MAF: variants seen among roughly 807,000 people sequenced by gnomAD.
MAF encodes the protein transcription factor Maf.
Under a neutral mutation model 22.0 loss-of-function variants are expected in MAF, and 10 were observed. The ratio of observed to expected loss-of-function variants is 0.45; its 90% CI spans 0.28 to 0.77. The LOEUF is 0.77. Among genes scored for constraint, MAF ranks in the 30% least tolerant of loss-of-function variants. MAF has a pLI of 0.12. For synonymous variants in MAF, 337 were observed against 255.8 expected (o/e 1.32, Z -3.03); for missense variants, 544 against 548.4 (o/e 0.99, Z 0.08).
At chr16:79,412,051 G>C in the MAF span, among the ~76,000 whole-genome samples, 1 of 152,200 alleles carries the variant, frequency 6.6e-6, no homozygotes, top group Non-Finnish European at 1.5e-5. Context: ...TGAGCACTTA[G>C]TACACGTCAG....
chr16:79,510,095 A>G, the MAF span, among the ~76,000 whole-genome samples: 67 of 152,170 alleles, frequency 4.4e-4, no homozygotes, highest in Non-Finnish European at 5.9e-4. Flanking sequence ...CGATTGCAGG[A>G]CGGCTACCGA....
the MAF span, among the ~76,000 whole-genome samples, chr16:79,518,744 G>A: frequency 0.57 from 87,079 of 151,948 alleles, 25,157 homozygotes; most frequent in Middle Eastern, 0.66. Context: ...AGACCTCATG[G>A]AGAAACCCCA....
At chr16:79,375,853 A>G in the MAF span, among the ~76,000 whole-genome samples, 3 of 152,210 alleles carry the variant, frequency 2.0e-5, no homozygotes, top group African/African-American at 7.2e-5. Flanking sequence ...CCTGGGAAGC[A>G]TACCATCATG....
the MAF span, among the ~76,000 whole-genome samples, chr16:79,541,751 G>A: frequency 2.0e-5 from 3 of 151,038 alleles, no homozygotes; most frequent in African/African-American, 7.3e-5. Context: ...CCACCTCCGG[G>A]TTCAAGAGAT....
chr16:79,316,066 A>C, the MAF span, among the ~76,000 whole-genome samples: 1 of 152,242 alleles, frequency 6.6e-6, no homozygotes, highest in Non-Finnish European at 1.5e-5. Flanking sequence ...AGTTGTCACC[A>C]ACATGCATAA....
At chr16:79,580,238 A>T in the MAF span, among the ~76,000 whole-genome samples, 1 of 152,082 alleles carries the variant, frequency 6.6e-6, no homozygotes, top group East Asian at 1.9e-4. Context: ...ATCTGCAGGG[A>T]TGGTTTGTAG....
chr16:79,578,739 G>T, the MAF span, among the ~76,000 whole-genome samples: 125 of 152,184 alleles, frequency 8.2e-4, no homozygotes, highest in African/African-American at 3.0e-3. Context: ...GCTATTAATC[G>T]CAAATTACTT....
the MAF span, among the ~76,000 whole-genome samples, chr16:79,487,891 C>T: frequency 2.0e-5 from 3 of 152,190 alleles, no homozygotes; most frequent in Admixed American, 1.3e-4. Context: ...GATTTCCAGC[C>T]TGCATTTTAA....
At chr16:79,353,979 T>C in the MAF span, among the ~76,000 whole-genome samples, 1 of 152,160 alleles carries the variant, frequency 6.6e-6, no homozygotes, top group Admixed American at 6.5e-5. Flanking sequence ...TAGAGACACA[T>C]AAGCAGATCA....
the MAF span, among the ~76,000 whole-genome samples, chr16:79,410,062 C>A: frequency 0.53 from 80,198 of 151,918 alleles, 21,991 homozygotes; most frequent in East Asian, 0.9. Flanking sequence ...CACCTGTAAC[C>A]ACAGCAGAGT....
At chr16:79,530,404 A>C in the MAF span, among the ~76,000 whole-genome samples, 1 of 152,222 alleles carries the variant, frequency 6.6e-6, no homozygotes, top group Admixed American at 6.5e-5. Flanking sequence ...AGACTGAAGG[A>C]AAGAGATGTA....
rs1913743875 is a variant in MAF at position 79,598,652 on chromosome 16, G to A, written c.1118+133C>T. 4 of 1,532,946 alleles carry A rather than the reference G, an allele frequency of 2.6e-6. No individual in the cohort carries two copies. The South Asian group carries it at 4.8e-5, about 18-fold the overall frequency. The allele number at this position is 1,532,946 out of a possible 1,614,324, so 95.0% of individuals were successfully genotyped here. On this transcript the variant is annotated intron_variant, in intron 1 of 1. Coordinates refer to ENST00000326043, the MANE Select transcript of MAF (RefSeq NM_005360.5). ...TTGTGTGTGTGTAGGGGGCCAAGGG[G>A]GCCAAACTCGGTGGGGGTGGGGGTG...
At chr16:79,313,180 G>T in the MAF span, among the ~76,000 whole-genome samples, 1 of 152,164 alleles carries the variant, frequency 6.6e-6, no homozygotes, top group African/African-American at 2.4e-5. Context: ...GCCAGTGCCT[G>T]GCACACAGGC....
downstream of MAF, among the ~76,000 whole-genome samples, chr16:79,583,041 G>A (rs1164629770): frequency 1.3e-5 from 2 of 152,168 alleles, no homozygotes; most frequent in Non-Finnish European, 2.9e-5. Context: ...TTCTGCAAGG[G>A]AAATTTGGTT....
the MAF span, among the ~76,000 whole-genome samples, chr16:79,228,909 G>A: frequency 1.3e-5 from 2 of 151,952 alleles, no homozygotes; most frequent in East Asian, 3.9e-4. Flanking sequence ...CCTCCCTCCA[G>A]CAACATCAGC....
chr16:79,487,062 C>T, the MAF span, among the ~76,000 whole-genome samples: 1 of 152,050 alleles, frequency 6.6e-6, no homozygotes, highest in African/African-American at 2.4e-5. Context: ...CTCCTTTTTG[C>T]AAAGAACATC....
intron 1 of MAF, 56 bp from the exon 2 acceptor site, chr16:79,594,609 G>C: frequency 6.5e-7 from 1 of 1,546,616 alleles, no homozygotes; most frequent in Non-Finnish European, 8.7e-7. Context: ...CAAACGCAGC[G>C]TAAAGGGGAA....
chr16:79,595,198 T>A (rs944421310), intron 1 of MAF: 6 of 1,041,244 alleles, frequency 5.8e-6, no homozygotes, highest in Middle Eastern at 4.4e-4. Context: ...GGAGGTTTAC[T>A]ATTAAGACTT....
the MAF span, among the ~76,000 whole-genome samples, chr16:79,361,008 C>T: frequency 1.5e-4 from 23 of 152,270 alleles, no homozygotes; most frequent in African/African-American, 5.5e-4. Flanking sequence ...CTCCTTCACC[C>T]CCCAGCAATA....
Sources: allele counts gnomAD v4.1 joint callset (sites outside exome capture counted in the v4.1 genomes callset), GRCh38; gene constraint gnomAD v4.1.1; transcripts MANE v1.5; gene names NCBI Gene and HGNC (gene_info 2026-07-23, HGNC 2026-07-21).